The following MAD1L1 variants were observed in gnomAD, a reference collection of about 807,000 sequenced individuals.
MAD1L1 encodes the protein mitotic spindle assembly checkpoint protein MAD1.
In MAD1L1, 95 loss-of-function variants were observed where a neutral mutation model predicts 96.9. The observed-to-expected ratio is 0.98, with a 90% CI of 0.83 to 1.16. The LOEUF is 1.16. Ranked by LOEUF, MAD1L1 falls within the 50% of genes most tolerant of loss-of-function variation. MAD1L1 has a pLI of 0.00. For missense variants in MAD1L1, 1,007 were observed against 954.4 expected (o/e 1.06, Z -0.73); for synonymous variants, 473 against 396.6 (o/e 1.19, Z -2.29).
intron 13 of MAD1L1, among the ~76,000 whole-genome samples, chr7:2,004,422 A>G (rs1165573851): frequency 6.6e-6 from 1 of 152,256 alleles, no homozygotes; most frequent in Non-Finnish European, 1.5e-5. Flanking sequence ...GGTGAGGCAC[A>G]TCGTCATCCC....
chr7:2,225,674 A>G, intron 3 of MAD1L1, 124 bp from the exon 4 acceptor site: 1 of 1,088,784 alleles, frequency 9.2e-7, no homozygotes, highest in South Asian at 1.5e-5. Context: ...CTAAGTCTTG[A>G]TGTGGCCCAG....
chr7:2,209,064 G>C (rs1423873267), intron 10 of MAD1L1, among the ~76,000 whole-genome samples: 1 of 152,134 alleles, frequency 6.6e-6, no homozygotes, highest in Non-Finnish European at 1.5e-5. Flanking sequence ...GTCCCTCCTT[G>C]CCTGTGACTT....
chr7:1,854,234 C>A (rs1470571573), intron 18 of MAD1L1: 1 of 348,394 alleles, frequency 2.9e-6, no homozygotes, highest in Non-Finnish European at 5.7e-6. Context: ...CACCATGGCC[C>A]CGGTGCCTCG....
chr7:2,161,260 C>A (rs1312607789), intron 10 of MAD1L1, among the ~76,000 whole-genome samples: 3 of 151,906 alleles, frequency 2.0e-5, no homozygotes, highest in African/African-American at 7.2e-5. Context: ...GCGCGCGCCG[C>A]CAAGCCTGAC....
At chr7:1,984,409 G>T (rs564579042) in intron 14 of MAD1L1, among the ~76,000 whole-genome samples, 2 of 152,190 alleles carry the variant, frequency 1.3e-5, no homozygotes, top group African/African-American at 2.4e-5. Flanking sequence ...TAATTTGGGG[G>T]ATATGGGTTT....
chr7:2,029,420 AGGTGAACTTGGGAGCCCT>A (rs1204759569), intron 12 of MAD1L1, among the ~76,000 whole-genome samples: 1 of 152,182 alleles, frequency 6.6e-6, no homozygotes, highest in Non-Finnish European at 1.5e-5. Context: ...AGGAGCCGGC[AGGTGAACTTGGGAGCCCT>A]GGTGACACCG....
In MAD1L1 at chr7:1,947,166, G is replaced by A. The variant is rs561642953; in HGVS notation, c.1597-10269C>T. Among the ~76,000 whole-genome samples the A allele has an allele frequency of 3.8e-3, 583 of 152,306 alleles. 4 individuals carry two copies. The highest frequency in any genetic ancestry group is 0.014 in the African/African-American group (570 of 41,570). ...AAGCCCTGAGCCCACGCCCTGGTGC[G>A]TGCAGGAGCTGGGTGCCATGGGCCC... On this transcript the variant is annotated intron_variant, in intron 16 of 18. Transcript: ENST00000265854.
chr7:1,938,745 C>T (rs1333294510), intron 16 of MAD1L1, among the ~76,000 whole-genome samples: 36 of 33,622 alleles, frequency 1.1e-3, no homozygotes, highest in African/African-American at 3.4e-3. Flanking sequence ...GAGGCGCGCA[C>T]GCACACACAC....
In MAD1L1 at chr7:2,189,739, G is replaced by A. The variant is rs141803005; in HGVS notation, c.986+23473C>T. On this transcript the variant is annotated intron_variant, in intron 10 of 18. Coordinates refer to ENST00000265854, the MANE Select transcript of MAD1L1 (RefSeq NM_001013836.2). ...GGTGGTGATGGTTGCACAGCAATAT[G>A]AATGTTCTTAAAGCTACTGAACTGT... Among the ~76,000 whole-genome samples, 144 of 152,324 alleles carry A rather than the reference G, an allele frequency of 9.5e-4. 2 individuals are homozygous for A. Among genetic ancestry groups the A allele is most frequent in the Middle Eastern group, 3.4e-3 (1 of 292 alleles).
chr7:2,124,130 T>C (rs1788115765), intron 11 of MAD1L1, among the ~76,000 whole-genome samples: 1 of 152,098 alleles, frequency 6.6e-6, no homozygotes, highest in South Asian at 2.1e-4. Context: ...CCCCCAGCTC[T>C]CCACAGGTCA....
chr7:2,048,877 G>A (rs907318980), intron 12 of MAD1L1, among the ~76,000 whole-genome samples: 15 of 152,186 alleles, frequency 9.9e-5, no homozygotes, highest in African/African-American at 3.6e-4. Flanking sequence ...GAGCTGTGCC[G>A]ATTGTCACAC....
At chr7:2,083,498 G>A (rs1338542657) in intron 11 of MAD1L1, among the ~76,000 whole-genome samples, 2 of 152,228 alleles carry the variant, frequency 1.3e-5, no homozygotes, top group African/African-American at 4.8e-5. Context: ...CCCCAGTCTC[G>A]AGGCACGGCG....
intron 11 of MAD1L1, among the ~76,000 whole-genome samples, chr7:2,095,511 G>A (rs1312144408): frequency 6.6e-6 from 1 of 152,214 alleles, no homozygotes; most frequent in Non-Finnish European, 1.5e-5. Flanking sequence ...AAACGGAGAT[G>A]GGCAGTGCTG....
At chr7:2,131,562 C>T (rs909799016) in intron 11 of MAD1L1, among the ~76,000 whole-genome samples, 1 of 152,230 alleles carries the variant, frequency 6.6e-6, no homozygotes, top group African/African-American at 2.4e-5. Context: ...GGGACCTCTG[C>T]GCAGGCACTG....
chr7:1,868,152 A>C lies in MAD1L1; in HGVS notation c.1998+30048T>G, dbSNP rs569994717. Among the ~76,000 whole-genome samples the C allele has an allele frequency of 1.1e-4, 17 of 152,268 alleles. No homozygotes were observed. In the East Asian group the frequency reaches 3.3e-3, roughly 29 times the overall value. On this transcript the variant is annotated intron_variant, in intron 18 of 18. Coordinates refer to ENST00000265854, the MANE Select transcript of MAD1L1 (RefSeq NM_001013836.2). ...CCAGCGAGGTGCACTGTGGCCCCCCAGACACCAGCACTCCTGACCCCACAG... is the reference window on the plus strand; with the variant it reads ...CCAGCGAGGTGCACTGTGGCCCCCCCGACACCAGCACTCCTGACCCCACAG...
intron 15 of MAD1L1, among the ~76,000 whole-genome samples, chr7:1,958,814 G>C (rs1468502815): frequency 1.3e-5 from 2 of 152,216 alleles, no homozygotes; most frequent in African/African-American, 4.8e-5. Context: ...CTGGAAAAAT[G>C]CAACAGTTCA....
At chr7:2,188,013 C>T (rs922275834) in intron 10 of MAD1L1, among the ~76,000 whole-genome samples, 3 of 152,174 alleles carry the variant, frequency 2.0e-5, no homozygotes, top group Non-Finnish European at 4.4e-5. Context: ...AAAGACTTTT[C>T]AATAACTTGT....
At chr7:2,143,153 T>G (rs1453029299) in intron 11 of MAD1L1, among the ~76,000 whole-genome samples, 1 of 152,006 alleles carries the variant, frequency 6.6e-6, no homozygotes, top group Non-Finnish European at 1.5e-5. Context: ...TAGAGGCGAC[T>G]GCACTGAGCC....
At chr7:2,069,444 G>T in intron 11 of MAD1L1, 106 bp from the exon 12 acceptor site, 1 of 1,108,706 alleles carries the variant, frequency 9.0e-7, no homozygotes, top group Non-Finnish European at 1.2e-6. Flanking sequence ...CTAAAATAGA[G>T]CTGCACGTGC....
Sources: allele counts gnomAD v4.1 joint callset (sites outside exome capture counted in the v4.1 genomes callset), GRCh38; gene constraint gnomAD v4.1.1; transcripts MANE v1.5; gene names NCBI Gene and HGNC (gene_info 2026-07-23, HGNC 2026-07-21).